TBX4: variants seen among roughly 807,000 people sequenced by gnomAD.
The protein encoded by TBX4 is T-box transcription factor TBX4.
A neutral mutation model predicts 54.6 loss-of-function variants in TBX4; 13 were observed. The observed-to-expected ratio is 0.24, with a 90% CI of 0.15 to 0.38. The LOEUF is 0.38. Among genes scored for constraint, TBX4 ranks in the 10% least tolerant of loss-of-function variants. The pLI is 1.00. For synonymous variants in TBX4, 314 were observed against 306.7 expected (o/e 1.02, Z -0.25); for missense variants, 631 against 728.5 (o/e 0.87, Z 1.54).
intron 5 of TBX4, among the ~76,000 whole-genome samples, chr17:61,469,840 A>T (rs1603252300): frequency 6.6e-6 from 1 of 152,292 alleles, no homozygotes; most frequent in African/African-American, 2.4e-5. Context: ...TGAAGGATGA[A>T]GGAGTCACCC....
chr17:61,473,951 G>A (rs909628861), intron 5 of TBX4, among the ~76,000 whole-genome samples: 2 of 152,162 alleles, frequency 1.3e-5, no homozygotes, highest in Admixed American at 6.5e-5. Flanking sequence ...TGATGCCTAA[G>A]GTTCCCTGGG....
chr17:61,478,399 C>A lies in TBX4; in HGVS notation c.550-228C>A. 1.7e-6 allele frequency: 1 copy of A among 596,068 alleles called. No individual in the cohort carries two copies. The allele number at this position is 596,068 out of a possible 1,614,324, so 36.9% of individuals were successfully genotyped here. ...TGGTCACATCAAGGAGGGCCTGGAG[C>A]TGGGCATTAGTGCTGGTGCAGAGAG... On this transcript the variant is annotated intron_variant, in intron 5 of 8. Coordinates refer to ENST00000644296, the MANE Select transcript of TBX4 (RefSeq NM_001321120.2). The surrounding 1 kb of genome is among the most constrained non-coding windows in gnomAD (Gnocchi z 7.4).
At position 61,457,333 on chromosome 17, in the gene TBX4, C is replaced by T. The variant is rs2060459665; in HGVS notation, c.187-204C>T. On this transcript the variant is annotated intron_variant, in intron 2 of 8. Transcript: ENST00000644296. This position sits in a 1 kb window ranked among gnomAD's most constrained non-coding sequence, Gnocchi z 8.2. ...TCTGAGGGTTCCTCCGTAGGTGCAG[C>T]TTTAAAGGAGGAAGTTTTAGCCACC... is the stretch of plus-strand genomic sequence containing the variant. 6.6e-6 allele frequency among the ~76,000 whole-genome samples: 1 copy of T among 152,198 alleles called. No homozygotes were observed. The highest frequency in any genetic ancestry group is 1.5e-5 in the Non-Finnish European group (1 of 68,044).
At chr17:61,467,486 T>A in intron 4 of TBX4, 24 bp from the exon 5 acceptor site, 1 of 1,614,212 alleles carries the variant, frequency 6.2e-7, no homozygotes, top group South Asian at 1.1e-5. Flanking sequence ...AGTAATCACC[T>A]GCTCTTATCT....
chr17:61,471,292 T>G (rs2060576114), intron 5 of TBX4, among the ~76,000 whole-genome samples: 1 of 152,244 alleles, frequency 6.6e-6, no homozygotes, highest in Admixed American at 6.5e-5. Context: ...AGAGAAAGGT[T>G]GGGGTCCTCA....
chr17:61,456,046 T>A (rs1243519177), intron 1 of TBX4, among the ~76,000 whole-genome samples: 2 of 152,118 alleles, frequency 1.3e-5, no homozygotes, highest in African/African-American at 4.8e-5. Flanking sequence ...AGCCTGGCTC[T>A]CCTTTCCTGC....
chr17:61,480,171 C>T lies in TBX4; in HGVS notation c.873C>T (p.Gly291=), dbSNP rs2060653543. Residue 291 remains glycine (G), a synonymous_variant, in exon 8 of 9, where the codon GGC becomes GGT. Coordinates refer to ENST00000644296, the MANE Select transcript of TBX4 (RefSeq NM_001321120.2). The surrounding 1 kb of genome is among the most constrained non-coding windows in gnomAD (Gnocchi z 6.2). ...AGCTCTCAGCCACACCGGACGTGGG[C>T]CCCCTGCTCGGCACCCACCAGGCAC... The part of the protein sequence containing the change: ...SPQLSATPDV[G]PLLGTHQALQ... The T allele has an allele frequency of 1.2e-6, 2 of 1,613,980 alleles. No homozygotes were observed. Among genetic ancestry groups the T allele is most frequent in the Non-Finnish European group, 8.5e-7 (1 of 1,180,024 alleles).
At chr17:61,473,136 T>C (rs1019909053) in intron 5 of TBX4, among the ~76,000 whole-genome samples, 15 of 152,332 alleles carry the variant, frequency 9.8e-5, no homozygotes, top group African/African-American at 3.6e-4. Flanking sequence ...TAGGAAGGCT[T>C]TTCTATTTGC....
intron 3 of TBX4, among the ~76,000 whole-genome samples, chr17:61,458,990 G>T (rs1290498857): frequency 1.3e-5 from 2 of 152,234 alleles, no homozygotes; most frequent in African/African-American, 4.8e-5. Context: ...GAGGGTGGAG[G>T]TCTGGGCACT....
rs921672691 is a variant in TBX4 at position 61,476,493 on chromosome 17, C to T, written c.550-2134C>T. Among the ~76,000 whole-genome samples, 2 of 152,234 alleles carry T rather than the reference C, an allele frequency of 1.3e-5. No homozygotes were observed. Among genetic ancestry groups the T allele is most frequent in the Admixed American group, 6.5e-5 (1 of 15,286 alleles). On this transcript the variant is annotated intron_variant, in intron 5 of 8. Transcript: ENST00000644296. This position sits in a 1 kb window ranked among gnomAD's most constrained non-coding sequence, Gnocchi z 6.5. ...GATGCCTGCAGCTCTGTGAATAGTG[C>T]ACGGTGATGGAGTCACCTAAAGGGG...
rs1210002987 is a variant in TBX4, at chr17:61,465,930, C to G, written c.393C>G (p.Asp131Glu). 1 of 1,613,884 alleles carries G rather than the reference C, an allele frequency of 6.2e-7. No homozygotes were observed. The highest frequency in any genetic ancestry group is 1.3e-5 in the African/African-American group (1 of 74,922). ...ATGACCATCGCTACAAGTTCTGTGA[C>G]AACAAATGGTAAGTGGACCCTGACC... ...PADDHRYKFC[D>E]NKWMVAGKAE... The change falls in exon 4 of 9, where the codon GAC becomes GAG. Residue 131 changes from aspartate to glutamate, a missense_variant. Coordinates refer to ENST00000644296, the MANE Select transcript of TBX4 (RefSeq NM_001321120.2). The surrounding 1 kb of genome is among the most constrained non-coding windows in gnomAD (Gnocchi z 4.9).
rs1270374262 is a variant in TBX4 at position 61,465,648 on chromosome 17, G to C, written c.282-171G>C. ...GCCAGTGCCACCTTTTCACTGTGCA[G>C]CTCGGGCAGAGGGGGAAGTGAGTTG... On this transcript the variant is annotated intron_variant, in intron 3 of 8. Coordinates refer to ENST00000644296, the MANE Select transcript of TBX4 (RefSeq NM_001321120.2). The surrounding 1 kb of genome is among the most constrained non-coding windows in gnomAD (Gnocchi z 4.9). The C allele has an allele frequency of 4.9e-6, 4 of 811,706 alleles. No homozygotes were observed. In the East Asian group the frequency reaches 1.0e-4, roughly 21 times the overall value. The allele number at this position is 811,706 out of a possible 1,614,324, so 50.3% of individuals were successfully genotyped here.
At chr17:61,468,500 T>C (rs957165493) in intron 5 of TBX4, among the ~76,000 whole-genome samples, 1 of 152,182 alleles carries the variant, frequency 6.6e-6, no homozygotes, top group Admixed American at 6.5e-5. Context: ...GGTGTGGCTG[T>C]TGGGGTTACG....
chr17:61,478,168 G>A lies in TBX4; in HGVS notation c.550-459G>A, dbSNP rs147537135. Among the ~76,000 whole-genome samples the A allele has an allele frequency of 2.2e-3, 333 of 152,216 alleles. No individual in the cohort carries two copies. Among genetic ancestry groups the A allele is most frequent in the African/African-American group, 7.9e-3 (328 of 41,528 alleles). On this transcript the variant is annotated intron_variant, in intron 5 of 8. Transcript: ENST00000644296. This position sits in a 1 kb window ranked among gnomAD's most constrained non-coding sequence, Gnocchi z 7.4. ...GGAGGGGGACCCCTGAGGGAGGGAG[G>A]TTACATGTTATGATCCCATTTACAA...
intron 8 of TBX4, 102 bp from the exon 9 acceptor site, chr17:61,482,795 G>T: frequency 6.5e-7 from 1 of 1,537,010 alleles, no homozygotes; most frequent in South Asian, 1.2e-5. Flanking sequence ...TGGGGAGGGC[G>T]GGCGCAGAGG....
chr17:61,478,874 C>T lies in TBX4; in HGVS notation c.702+95C>T. On this transcript the variant is annotated intron_variant, in intron 6 of 8. Coordinates refer to ENST00000644296, the MANE Select transcript of TBX4 (RefSeq NM_001321120.2). The surrounding 1 kb of genome is among the most constrained non-coding windows in gnomAD (Gnocchi z 7.4). The stretch of plus-strand genomic sequence containing the variant: ...GAGGCAGAGTGTGAAGCCAGAGTCC[C>T]AGCAGGGCTTGGGCAGGCCCAGTGC... The T allele has an allele frequency of 6.2e-7, 1 of 1,602,078 alleles. No individual in the cohort carries two copies. The highest frequency in any genetic ancestry group is 8.5e-7 in the Non-Finnish European group (1 of 1,169,970).
rs372869194 is a variant in TBX4, at chr17:61,479,979, C to T, written c.791+10C>T. ...TGGCCCGACTGCAGAGGTGGGGCTG[C>T]GTAGCCTGGGGGTGGGGCGGGCAGA... On this transcript the variant is annotated intron_variant, in intron 7 of 8. Coordinates refer to ENST00000644296, the MANE Select transcript of TBX4 (RefSeq NM_001321120.2). The surrounding 1 kb of genome is among the most constrained non-coding windows in gnomAD (Gnocchi z 6.1). 31 of 1,613,772 alleles carry T rather than the reference C, an allele frequency of 1.9e-5. No individual in the cohort carries two copies. Among genetic ancestry groups the T allele is most frequent in the African/African-American group, 6.7e-5 (5 of 74,852 alleles).
chr17:61,484,950 ATATAT>A lies in TBX4; in HGVS notation c.*1435_*1439del, dbSNP rs1569048574. 1.0e-5 allele frequency: 1 copy of A among 97,080 alleles called. No homozygotes were observed. Among genetic ancestry groups the A allele is most frequent in the African/African-American group, 3.3e-5 (1 of 30,754 alleles). 6.0% of individuals were successfully genotyped at this position (97,080 alleles called of 1,614,324 possible). A position where few individuals can be genotyped will look rare whatever the true frequency, so the allele number is the denominator to read the frequency against. ...TTAGATAAAACATATAAATAAATAT[ATATAT>A]ATATATATATATATATAAACACACA... is the stretch of plus-strand genomic sequence containing the variant. On this transcript the variant is annotated 3_prime_UTR_variant, in exon 9 of 9. Coordinates refer to ENST00000644296, the MANE Select transcript of TBX4 (RefSeq NM_001321120.2). The surrounding 1 kb of genome is among the most constrained non-coding windows in gnomAD (Gnocchi z 4.1).
Position 61,476,608 on chromosome 17 carries a change from G to A in TBX4, c.550-2019G>A, listed in dbSNP as rs1015174909. Among the ~76,000 whole-genome samples, 1 of 152,238 alleles carries A rather than the reference G, an allele frequency of 6.6e-6. No homozygotes were observed. Among genetic ancestry groups the A allele is most frequent in the Non-Finnish European group, 1.5e-5 (1 of 68,048 alleles). On this transcript the variant is annotated intron_variant, in intron 5 of 8. Transcript: ENST00000644296. This position sits in a 1 kb window ranked among gnomAD's most constrained non-coding sequence, Gnocchi z 6.5. The stretch of plus-strand genomic sequence containing the variant: ...GACAGACATCGAGGCCTCTCTGAGC[G>A]GGACCTGTGTCCTGTAGCCTCACTC...
Sources: allele counts gnomAD v4.1 joint callset (sites outside exome capture counted in the v4.1 genomes callset), GRCh38; gene constraint gnomAD v4.1.1; non-coding constraint Gnocchi (gnomAD v3.1); transcripts MANE v1.5; gene names NCBI Gene and HGNC (gene_info 2026-07-23, HGNC 2026-07-21).